Variants in MTFR1 observed in about 807,000 individuals in gnomAD.
MTFR1 encodes the protein chondrocyte protein with a poly-proline region.
Under a neutral mutation model 38.8 loss-of-function variants are expected in MTFR1, and 28 were observed. The observed-to-expected ratio is 0.72, with a 90% confidence interval of 0.53 to 0.99. MTFR1 has a LOEUF of 0.99. Among genes scored for constraint, MTFR1 ranks in the 50% least tolerant of loss-of-function variants. The probability of loss-of-function intolerance (pLI) is 0.00; values close to 1 mark genes in which losing one functional copy is unlikely to be tolerated. For synonymous variants in MTFR1, 145 were observed against 137.0 expected, an observed-to-expected ratio of 1.06 and a Z score of -0.41; for missense variants, 358 against 395.5, an observed-to-expected ratio of 0.91 and a Z score of 0.81.
At chr8:65,741,369 TAATA>T (rs1361873160) in intron 3 of MTFR1, among the ~76,000 whole-genome samples, 2 of 152,164 alleles carry the variant, frequency 1.3e-5, no homozygotes, top group Non-Finnish European at 2.9e-5. Context: ...AAATTTATAA[TAATA>T]ATATTTATGA....
At chr8:65,745,539 T>C (rs761172931) in intron 3 of MTFR1, 28 of 844,614 alleles carry the variant, frequency 3.3e-5, no homozygotes, top group Non-Finnish European at 5.1e-5. Context: ...AGATATTCCA[T>C]AGAGAAGTTA....
intron 3 of MTFR1, among the ~76,000 whole-genome samples, chr8:65,758,653 T>C (rs575333457): frequency 6.6e-6 from 1 of 152,360 alleles, no homozygotes; most frequent in South Asian, 2.1e-4. Context: ...TTTCTACTTA[T>C]CTTTCAAACT....
chr8:65,752,718 A>G (rs1428740977), intron 3 of MTFR1, among the ~76,000 whole-genome samples: 1 of 152,310 alleles, frequency 6.6e-6, no homozygotes, highest in Non-Finnish European at 1.5e-5. Context: ...TTCTTGAATT[A>G]TATCTCTAAA....
intron 3 of MTFR1, among the ~76,000 whole-genome samples, chr8:65,755,369 T>G (rs1036133951): frequency 6.6e-6 from 1 of 152,202 alleles, no homozygotes; most frequent in Non-Finnish European, 1.5e-5. Flanking sequence ...TTGTTTTGTT[T>G]GTGCATCATT....
At chr8:65,711,588 A>ATTCT (rs1417991152), downstream of MTFR1, among the ~76,000 whole-genome samples, 4 of 152,128 alleles carry the variant, frequency 2.6e-5, no homozygotes, top group Non-Finnish European at 4.4e-5. Flanking sequence ...GAGATTTAGC[A>ATTCT]TTCTTCTCTG....
intron 1 of MTFR1, among the ~76,000 whole-genome samples, chr8:65,650,041 G>A (rs190542446): frequency 1.1e-4 from 17 of 149,102 alleles, no homozygotes; most frequent in Middle Eastern, 3.8e-3. Flanking sequence ...GTTTCACTAC[G>A]TTGGCCAGAC....
chr8:65,686,629 A>ATGT (rs1805086047), intron 3 of MTFR1, among the ~76,000 whole-genome samples: 1 of 148,636 alleles, frequency 6.7e-6, no homozygotes, highest in African/African-American at 2.5e-5. Context: ...TTTTGAGACT[A>ATGT]ACTGAGTATG....
chr8:65,644,898 C>T (rs1808907233), intron 1 of MTFR1, 114 bp downstream of exon 1: 2 of 152,374 alleles, frequency 1.3e-5, no homozygotes, highest in Admixed American at 1.3e-4. Flanking sequence ...TGAAGGAGCT[C>T]GGTTCGGGAA....
chr8:65,752,690 T>C (rs1013170907), intron 3 of MTFR1, among the ~76,000 whole-genome samples: 2 of 152,226 alleles, frequency 1.3e-5, no homozygotes, highest in Non-Finnish European at 2.9e-5. Flanking sequence ...TTAAATCTTC[T>C]GTTATTCCTG....
chr8:65,681,194 G>C (rs1476173470), intron 2 of MTFR1, among the ~76,000 whole-genome samples: 1 of 151,714 alleles, frequency 6.6e-6, no homozygotes, highest in Non-Finnish European at 1.5e-5. Flanking sequence ...TTACAGGCGT[G>C]AGCCACCGCG....
chr8:65,681,345 C>G (rs1458307995), intron 2 of MTFR1, among the ~76,000 whole-genome samples: 1 of 152,174 alleles, frequency 6.6e-6, no homozygotes, highest in South Asian at 2.1e-4. Flanking sequence ...GTCTTGAACT[C>G]CTGGCCTCAG....
At chr8:65,686,751 C>T (rs1306745392) in intron 3 of MTFR1, among the ~76,000 whole-genome samples, 1 of 151,900 alleles carries the variant, frequency 6.6e-6, no homozygotes, top group Non-Finnish European at 1.5e-5. Context: ...GGTGAAACCC[C>T]ATCTCTACTA....
intron 3 of MTFR1, among the ~76,000 whole-genome samples, chr8:65,746,030 G>A (rs58130108): frequency 0.43 from 65,598 of 151,596 alleles, 16,252 homozygotes; most frequent in African/African-American, 0.68. Flanking sequence ...TCCTGGGCTC[G>A]AGCAATCCTC....
intron 3 of MTFR1, among the ~76,000 whole-genome samples, chr8:65,684,950 G>A (rs955674479): frequency 2.0e-5 from 3 of 152,122 alleles, no homozygotes; most frequent in Admixed American, 6.5e-5. Context: ...GTTGCTGTGA[G>A]CCGAGATCGT....
intron 3 of MTFR1, among the ~76,000 whole-genome samples, chr8:65,762,532 G>A (rs1423180941): frequency 6.6e-6 from 1 of 152,222 alleles, no homozygotes; most frequent in East Asian, 1.9e-4. Flanking sequence ...ACATTAAACA[G>A]GTTAGTTAAG....
At chr8:65,698,538 T>A (rs890048085) in intron 4 of MTFR1, among the ~76,000 whole-genome samples, 11 of 152,112 alleles carry the variant, frequency 7.2e-5, no homozygotes, top group South Asian at 2.1e-4. Flanking sequence ...CCAAATTTTT[T>A]AAAAATGGAA....
At position 65,704,889 on chromosome 8, in the gene MTFR1, CA is replaced by C; in HGVS notation, c.481del (p.Ile161LeufsTer2). 6.2e-7 allele frequency: 1 copy of C among 1,607,918 alleles called. No individual in the cohort carries two copies. The highest frequency in any genetic ancestry group is 8.5e-7 in the Non-Finnish European group (1 of 1,176,416). On this transcript the variant is annotated frameshift_variant, in exon 5 of 8. Transcript: ENST00000262146. LOFTEE classifies it high-confidence loss of function. ...ELAALRAQIA[K>X]IVTQQEQQNL... The stretch of plus-strand genomic sequence containing the variant: ...TTGCTGCTCTCAGAGCTCAGATTGC[CA>C]AAATTGTGACCCAGCAGGAGCAGCA...
At chr8:65,666,902 A>G (rs755030805) in intron 1 of MTFR1, among the ~76,000 whole-genome samples, 8 of 152,182 alleles carry the variant, frequency 5.3e-5, no homozygotes, top group Non-Finnish European at 1.0e-4. Context: ...TCTGTGCCCC[A>G]CTTCCCATAC....
chr8:65,730,197 T>TTTTA (rs1806810961), intron 3 of MTFR1, among the ~76,000 whole-genome samples: 1 of 119,324 alleles, frequency 8.4e-6, no homozygotes, highest in African/African-American at 3.5e-5. Flanking sequence ...TTTTTTTTTT[T>TTTTA]GAGATGGAGT....
Sources: gnomAD v4.1 joint callset for allele counts (sites outside exome capture counted in the v4.1 genomes callset) on GRCh38, gnomAD v4.1.1 for gene constraint, MANE v1.5 for transcripts, NCBI Gene and HGNC (gene_info 2026-07-23, HGNC 2026-07-21) for gene names.